The following SLK variants were observed in gnomAD, a reference collection of about 807,000 sequenced individuals.
SLK encodes the protein STE20-like serine/threonine-protein kinase.
A neutral mutation model predicts 147.7 loss-of-function variants in SLK; 67 were observed. That is an observed-to-expected ratio of 0.45 (90% confidence interval 0.37 to 0.56). The LOEUF (loss-of-function observed/expected upper bound fraction) is 0.56, where lower values mean the gene tolerates loss of function less well. SLK is among the 20% of genes least tolerant of loss of function. The pLI is 0.00. For synonymous variants in SLK, 441 were observed against 475.0 expected (o/e 0.93, Z 0.93); for missense variants, 1,136 against 1,438.8 (o/e 0.79, Z 3.41).
At chr10:104,007,696 C>T (rs943118060) in intron 11 of SLK, among the ~76,000 whole-genome samples, 1 of 150,776 alleles carries the variant, frequency 6.6e-6, no homozygotes, top group Non-Finnish European at 1.5e-5. Context: ...TTTGGGAGGC[C>T]GAAGCAGGAG....
Position 104,003,550 on chromosome 10 carries a change from T to C in SLK, c.2349+23T>C, listed in dbSNP as rs372415992. 41 of 1,514,388 alleles carry C rather than the reference T, an allele frequency of 2.7e-5. No individual in the cohort carries two copies. In the African/African-American group the frequency reaches 5.3e-4, roughly 20 times the overall value. 93.8% of individuals were successfully genotyped at this position (1,514,388 alleles called of 1,614,324 possible). The stretch of plus-strand genomic sequence containing the variant: ...CAAGTAAGTGTACATGAGTCATTGT[T>C]TGGGTTTTCCTTTGCCATTTTCTCA... On this transcript the variant is annotated intron_variant, in intron 9 of 18. Coordinates refer to ENST00000369755, the MANE Select transcript of SLK (RefSeq NM_014720.4).
chr10:103,970,391 A>G (rs1843777003), intron 1 of SLK, among the ~76,000 whole-genome samples: 3 of 152,132 alleles, frequency 2.0e-5, no homozygotes, highest in Admixed American at 2.0e-4. Flanking sequence ...GAAGAACAAG[A>G]GTCTTATTTC....
chr10:103,988,992 T>C (rs1844054265), intron 1 of SLK, among the ~76,000 whole-genome samples: 1 of 152,202 alleles, frequency 6.6e-6, no homozygotes, highest in South Asian at 2.1e-4. Flanking sequence ...GTCCCCTATG[T>C]ATATGAAGCC....
chr10:104,018,339 A>C, intron 14 of SLK, 50 bp downstream of exon 14: 1 of 1,519,060 alleles, frequency 6.6e-7, no homozygotes, highest in Non-Finnish European at 9.0e-7. Flanking sequence ...ATTCCTTATG[A>C]CAGTAGAAGT....
intron 18 of SLK, among the ~76,000 whole-genome samples, chr10:104,024,674 T>C (rs918315038): frequency 2.0e-5 from 3 of 152,198 alleles, no homozygotes; most frequent in African/African-American, 7.2e-5. Flanking sequence ...TTCCTTCTTT[T>C]CCTGTGCTTT....
chr10:103,989,971 T>C (rs562638128), intron 1 of SLK, among the ~76,000 whole-genome samples: 3 of 152,298 alleles, frequency 2.0e-5, no homozygotes, highest in African/African-American at 7.2e-5. Context: ...TAAACTGTGG[T>C]ATAACTAGAC....
intron 2 of SLK, among the ~76,000 whole-genome samples, chr10:103,991,691 A>G (rs1477838523): frequency 1.3e-5 from 2 of 152,074 alleles, no homozygotes; most frequent in African/African-American, 4.8e-5. Context: ...ATTTGAAAAC[A>G]ATTTCTAATT....
At chr10:103,983,674 T>C (rs1257988866) in intron 1 of SLK, among the ~76,000 whole-genome samples, 1 of 152,094 alleles carries the variant, frequency 6.6e-6, no homozygotes. Context: ...GAGGTTTTTT[T>C]TTTTTTTGCT....
chr10:104,002,271 GA>G lies in SLK; in HGVS notation c.1099del (p.Thr367GlnfsTer40), dbSNP rs1844259005. ...QNACILESVSEKTERSNSEDK... is the reference protein window; with the variant it reads ...QNACILESVSXKTERSNSEDK... ...TGCTTGTATTTTGGAGTCTGTCTCA[GA>G]AAAAACAGAACGTAGTAACTCTGAA... On this transcript the variant is annotated frameshift_variant, in exon 9 of 19. Coordinates refer to ENST00000369755, the MANE Select transcript of SLK (RefSeq NM_014720.4). LOFTEE classifies it high-confidence loss of function. The G allele has an allele frequency of 6.2e-7, 1 of 1,613,302 alleles. No individual in the cohort carries two copies. The highest frequency in any genetic ancestry group is 1.7e-5 in the Admixed American group (1 of 59,898).
intron 1 of SLK, among the ~76,000 whole-genome samples, chr10:103,971,262 TTGTTGTTTTGTTTG>T (rs1192438545): frequency 1.3e-5 from 2 of 151,882 alleles, no homozygotes; most frequent in African/African-American, 2.4e-5. Context: ...TTTTTTGTTG[TTGTTGTTTTGTTTG>T]TGTTTTGTTT....
rs902276164 is a variant in SLK, at chr10:104,018,712, T to G, written c.3008-72T>G. ...TGTATTTAGAATACTTCTATGTAAA[T>G]ATTAAAATGAAGAGCAAAGTACATT... On this transcript the variant is annotated intron_variant, in intron 14 of 18. Coordinates refer to ENST00000369755, the MANE Select transcript of SLK (RefSeq NM_014720.4). 4.1e-6 allele frequency: 6 copies of G among 1,462,546 alleles called. No homozygotes were observed. The African/African-American group carries it at 4.3e-5, about 10-fold the overall frequency. 90.6% of individuals were successfully genotyped at this position (1,462,546 alleles called of 1,614,324 possible).
rs553136293 is a variant in SLK at position 104,018,085 on chromosome 10, A to G, written c.2878-75A>G. 9 of 1,221,434 alleles carry G rather than the reference A, an allele frequency of 7.4e-6. No homozygotes were observed. The African/African-American group carries it at 9.4e-5, about 13-fold the overall frequency. The allele number at this position is 1,221,434 out of a possible 1,614,324, so 75.7% of individuals were successfully genotyped here. On this transcript the variant is annotated intron_variant, in intron 13 of 18. Transcript: ENST00000369755. ...TTTGGAAATCTTGTTAACCACTAAT[A>G]TATACAGCCATATAGATAAATGGAT... is the stretch of plus-strand genomic sequence containing the variant.
chr10:103,989,985 A>G (rs1357578857), intron 1 of SLK, among the ~76,000 whole-genome samples: 2 of 152,276 alleles, frequency 1.3e-5, no homozygotes, highest in Non-Finnish European at 2.9e-5. Context: ...ACTAGACAAT[A>G]GAATATTATT....
intron 1 of SLK, among the ~76,000 whole-genome samples, chr10:103,986,269 G>C (rs914601668): frequency 6.6e-6 from 1 of 152,122 alleles, no homozygotes; most frequent in Non-Finnish European, 1.5e-5. Context: ...CCATAATATA[G>C]AATTAGTGGG....
In SLK at chr10:104,004,302, G is replaced by C. The variant is rs189859057; in HGVS notation, c.2349+775G>C. On this transcript the variant is annotated intron_variant, in intron 9 of 18. Coordinates refer to ENST00000369755, the MANE Select transcript of SLK (RefSeq NM_014720.4). ...TAGGATTTTCTTACATGTATTCCTA[G>C]GATTTTCTTCTTTTTTCAGTTTACT... Among the ~76,000 whole-genome samples, 234 of 152,180 alleles carry C rather than the reference G, an allele frequency of 1.5e-3. 1 individual carries two copies. The highest frequency in any genetic ancestry group is 5.3e-3 in the African/African-American group (221 of 41,512).
chr10:104,019,017 G>T, intron 15 of SLK, 109 bp downstream of exon 15: 1 of 1,093,572 alleles, frequency 9.1e-7, no homozygotes, highest in Non-Finnish European at 1.3e-6. Flanking sequence ...TTTCCTTTCT[G>T]TCTTTTATCC....
rs1008928337 is a variant in SLK, at chr10:104,028,240, AAC to A, written c.*2524_*2525del. On this transcript the variant is annotated 3_prime_UTR_variant, in exon 19 of 19. Transcript: ENST00000369755. ...GTTGCTGTGGCAGAATATGCCATGAAACACATACAGACTTCTCCGAACGTGCA... is the reference window on the plus strand; with the variant it reads ...GTTGCTGTGGCAGAATATGCCATGAAACATACAGACTTCTCCGAACGTGCA... 6.0e-4 allele frequency: 92 copies of A among 152,276 alleles called. No individual in the cohort carries two copies. The highest frequency in any genetic ancestry group is 2.1e-3 in the African/African-American group (86 of 41,520). 9.4% of individuals were successfully genotyped at this position (152,276 alleles called of 1,614,324 possible).
intron 12 of SLK, 62 bp downstream of exon 12, chr10:104,008,418 C>G: frequency 4.2e-6 from 5 of 1,177,686 alleles, no homozygotes; most frequent in South Asian, 3.0e-5. Context: ...TGTTTTAAGA[C>G]TATCTAAGGA....
chr10:103,975,368 A>G (rs1476272753), intron 1 of SLK, among the ~76,000 whole-genome samples: 1 of 152,104 alleles, frequency 6.6e-6, no homozygotes, highest in Non-Finnish European at 1.5e-5. Flanking sequence ...CCAGTTGCAT[A>G]GGCCAGAGAC....
Sources: allele counts gnomAD v4.1 joint callset (sites outside exome capture counted in the v4.1 genomes callset), GRCh38; gene constraint gnomAD v4.1.1; transcripts MANE v1.5; gene names NCBI Gene and HGNC (gene_info 2026-07-23, HGNC 2026-07-21).